CFAP61: variants seen among roughly 807,000 people sequenced by gnomAD.
CFAP61 encodes cilia- and flagella-associated protein 61.
A neutral mutation model predicts 135.6 loss-of-function variants in CFAP61; 107 were observed. The ratio of observed to expected loss-of-function variants is 0.79; its 90% CI spans 0.67 to 0.93. CFAP61 has a LOEUF of 0.93. CFAP61 is among the 40% of genes least tolerant of loss of function. The pLI is 0.00. For missense variants in CFAP61, 1,507 were observed against 1,556.2 expected (o/e 0.97, Z 0.53); for synonymous variants, 575 against 578.5 (o/e 0.99, Z 0.09).
chr20:20,324,320 G>A (rs536656226), intron 25 of CFAP61, among the ~76,000 whole-genome samples: 29 of 152,150 alleles, frequency 1.9e-4, no homozygotes, highest in Non-Finnish European at 4.0e-4. Context: ...AACACTGACC[G>A]CAGTCTCAGT....
At chr20:20,294,653 G>A (rs113184654) in intron 24 of CFAP61, among the ~76,000 whole-genome samples, 20,486 of 152,172 alleles carry the variant, frequency 0.13, 1,639 homozygotes, top group Middle Eastern at 0.23. Context: ...AAAAGGTCGG[G>A]CGCGGTGGCT....
intron 16 of CFAP61, 126 bp downstream of exon 16, chr20:20,196,902 A>G (rs1171870289): frequency 4.9e-6 from 4 of 819,300 alleles, no homozygotes; most frequent in East Asian, 2.6e-5. Context: ...TGAATTTCCA[A>G]TGGCCATATT....
At chr20:20,069,881 TCTC>T (rs1428544270) in intron 2 of CFAP61, 1 of 380,632 alleles carries the variant, frequency 2.6e-6, no homozygotes, top group Non-Finnish European at 5.3e-6. Flanking sequence ...TTCTTCCTGT[TCTC>T]CTCAAGAAGG....
intron 18 of CFAP61, among the ~76,000 whole-genome samples, chr20:20,241,785 C>CATT (rs1011901678): frequency 7.9e-5 from 12 of 151,928 alleles, no homozygotes; most frequent in South Asian, 2.1e-4. Context: ...AGTATAAACA[C>CATT]ATTATTATTA....
chr20:20,159,630 G>A (rs1270620310), intron 10 of CFAP61, among the ~76,000 whole-genome samples, 186 bp downstream of exon 10: 1 of 152,108 alleles, frequency 6.6e-6, no homozygotes, highest in Non-Finnish European at 1.5e-5. Context: ...CCCCTGCTGT[G>A]ATTAATCTTT....
intron 22 of CFAP61, among the ~76,000 whole-genome samples, chr20:20,278,961 A>G (rs2053980371): frequency 6.6e-6 from 1 of 152,220 alleles, no homozygotes. Context: ...AAAAAGTGAT[A>G]CTGTCTATAC....
At chr20:20,278,571 A>C (rs769822631) in intron 22 of CFAP61, among the ~76,000 whole-genome samples, 1 of 152,162 alleles carries the variant, frequency 6.6e-6, no homozygotes, top group Non-Finnish European at 1.5e-5. Context: ...AATGCCTGCT[A>C]ACATCCAGTG....
At chr20:20,080,687 G>T (rs2046370048) in intron 6 of CFAP61, among the ~76,000 whole-genome samples, 1 of 152,096 alleles carries the variant, frequency 6.6e-6, no homozygotes, top group South Asian at 2.1e-4. Flanking sequence ...ATCTTCATCA[G>T]TGCTGAGTAT....
chr20:20,310,741 C>T (rs1443791918), intron 25 of CFAP61, among the ~76,000 whole-genome samples: 3 of 152,172 alleles, frequency 2.0e-5, no homozygotes, highest in African/African-American at 7.2e-5. Context: ...CATGACCAAT[C>T]CTCTCTGGCA....
chr20:20,052,708 T>C (rs771540801), intron 1 of CFAP61, 117 bp downstream of exon 1: 2 of 1,610,120 alleles, frequency 1.2e-6, no homozygotes, highest in Admixed American at 3.3e-5. Context: ...AGTGGCTCTG[T>C]CGAGCCGTGG....
intron 17 of CFAP61, among the ~76,000 whole-genome samples, chr20:20,223,151 G>A (rs1295350689): frequency 6.6e-6 from 1 of 152,150 alleles, no homozygotes; most frequent in Non-Finnish European, 1.5e-5. Flanking sequence ...TATTGCAGAT[G>A]GGAGAGAGGA....
intron 21 of CFAP61, among the ~76,000 whole-genome samples, chr20:20,264,332 A>G (rs2052525895): frequency 6.6e-6 from 1 of 152,176 alleles, no homozygotes; most frequent in African/African-American, 2.4e-5. Flanking sequence ...TGAAATACAA[A>G]GTAACTTAAG....
intron 24 of CFAP61, among the ~76,000 whole-genome samples, chr20:20,294,882 T>C (rs368902292): frequency 6.0e-5 from 9 of 150,378 alleles, no homozygotes; most frequent in Admixed American, 2.0e-4. Flanking sequence ...GAGCCGAGAT[T>C]GCGCCACTGC....
intron 22 of CFAP61, among the ~76,000 whole-genome samples, chr20:20,285,826 C>G (rs1468049218): frequency 6.6e-6 from 1 of 150,922 alleles, no homozygotes; most frequent in Non-Finnish European, 1.5e-5. Context: ...GGGGCTGAGG[C>G]AGAAGGATTC....
At chr20:20,103,626 A>C (rs978026191) in intron 8 of CFAP61, among the ~76,000 whole-genome samples, 1 of 152,206 alleles carries the variant, frequency 6.6e-6, no homozygotes, top group African/African-American at 2.4e-5. Context: ...AACTTATTGA[A>C]TACATATCAA....
chr20:20,209,988 G>T lies in CFAP61; in HGVS notation c.1932+10086G>T, dbSNP rs111312140. Among the ~76,000 whole-genome samples, 784 of 152,268 alleles carry T rather than the reference G, an allele frequency of 5.1e-3. 8 individuals carry two copies. The highest frequency in any genetic ancestry group is 7.6e-3 in the Non-Finnish European group (520 of 68,014). The stretch of plus-strand genomic sequence containing the variant: ...TCCCATCCTCACAGCCTTGAGGCCA[G>T]TCTGAGTGTGGCCTTGTGTTCCCTG... On this transcript the variant is annotated intron_variant, in intron 17 of 26. Coordinates refer to ENST00000245957, the MANE Select transcript of CFAP61 (RefSeq NM_015585.4).
intron 9 of CFAP61, among the ~76,000 whole-genome samples, chr20:20,153,236 A>G (rs1321910159): frequency 6.6e-6 from 1 of 152,200 alleles, no homozygotes; most frequent in Non-Finnish European, 1.5e-5. Context: ...CTAAGAGGAA[A>G]GTTCATGGCA....
chr20:20,169,495 A>G (rs900278660), intron 13 of CFAP61, 35 bp downstream of exon 13: 2 of 1,532,680 alleles, frequency 1.3e-6, no homozygotes, highest in Non-Finnish European at 1.8e-6. Flanking sequence ...ACAACAATCC[A>G]TGAAATTACA....
At chr20:20,120,828 A>G (rs13044623) in intron 8 of CFAP61, among the ~76,000 whole-genome samples, 28,714 of 152,106 alleles carry the variant, frequency 0.19, 2,990 homozygotes, top group Non-Finnish European at 0.24. Flanking sequence ...GAGTTCATAG[A>G]TATTTATAAT....
Sources: allele counts gnomAD v4.1 joint callset (sites outside exome capture counted in the v4.1 genomes callset), GRCh38; gene constraint gnomAD v4.1.1; transcripts MANE v1.5; gene names NCBI Gene and HGNC (gene_info 2026-07-23, HGNC 2026-07-21).